The following SPEF2 variants were observed in gnomAD, a reference collection of about 807,000 sequenced individuals.
SPEF2 encodes sperm flagella and cilia-associated protein 2.
A neutral mutation model predicts 224.6 loss-of-function variants in SPEF2; 187 were observed. The ratio of observed to expected loss-of-function variants is 0.83; its 90% CI spans 0.74 to 0.94. The LOEUF is 0.94. SPEF2 is among the 40% of genes least tolerant of loss of function. The pLI is 0.00. For synonymous variants in SPEF2, 715 were observed against 707.3 expected, an observed-to-expected ratio of 1.01 and a Z score of -0.17; for missense variants, 2,170 against 2,135.6, an observed-to-expected ratio of 1.02 and a Z score of -0.32.
chr5:35,740,220 C>T lies in SPEF2; in HGVS notation c.3283C>T (p.Leu1095=). 5 of 1,614,056 alleles carry T rather than the reference C, an allele frequency of 3.1e-6. No individual in the cohort carries two copies. The highest frequency in any genetic ancestry group is 4.2e-6 in the Non-Finnish European group (5 of 1,180,008). The change falls in exon 23 of 37, where the codon CTG becomes TTG. Residue 1095 remains leucine (L), a synonymous_variant. Coordinates refer to ENST00000356031, the MANE Select transcript of SPEF2 (RefSeq NM_024867.4). Reference sequence around the variant, plus strand: ...TGATTTCAACTCCCTTCCTGATGACCTGTGGGATGATGAGGAAACAAAGGC... The same window carrying T: ...TGATTTCAACTCCCTTCCTGATGACTTGTGGGATGATGAGGAAACAAAGGC... ...QADFNSLPDD[L]WDDEETKAEL...
chr5:35,664,727 A>AGAGAGG (rs1750216329), intron 8 of SPEF2, among the ~76,000 whole-genome samples: 1 of 144,680 alleles, frequency 6.9e-6, no homozygotes. Context: ...AGGGAGGGAG[A>AGAGAGG]GAGAGGGAGA....
intron 36 of SPEF2, among the ~76,000 whole-genome samples, chr5:35,810,721 C>CAGT (rs1380224868): frequency 6.6e-6 from 1 of 152,238 alleles, no homozygotes; most frequent in Non-Finnish European, 1.5e-5. Context: ...CCTTGATGCA[C>CAGT]AGTACCCCTC....
intron 23 of SPEF2, among the ~76,000 whole-genome samples, chr5:35,748,014 A>C (rs1203282947): frequency 6.6e-6 from 1 of 152,216 alleles, no homozygotes; most frequent in African/African-American, 2.4e-5. Context: ...ATAAAACTGG[A>C]AATCAACTCC....
chr5:35,708,685 A>C, intron 18 of SPEF2, among the ~76,000 whole-genome samples: 1 of 151,934 alleles, frequency 6.6e-6, no homozygotes, highest in Non-Finnish European at 1.5e-5. Flanking sequence ...CACCACCTCT[A>C]CCTCCATCAC....
In SPEF2 at chr5:35,779,324, G is replaced by T; in HGVS notation, c.4425G>T (p.Gln1475His). 1 of 1,606,476 alleles carries T rather than the reference G, an allele frequency of 6.2e-7. No individual in the cohort carries two copies. The highest frequency in any genetic ancestry group is 1.1e-5 in the South Asian group (1 of 88,652). The part of the protein sequence containing the change: ...TIEQLDSLRD[Q>H]FLDMAPKGII... Reference sequence around the variant, plus strand: ...AACAGCTTGACAGTCTTCGAGATCAGTTCTTAGATATGGCACCTAAAGGTA... The same window carrying T: ...AACAGCTTGACAGTCTTCGAGATCATTTCTTAGATATGGCACCTAAAGGTA... The change falls in exon 30 of 37, where the codon CAG becomes CAT. Residue 1475 changes from glutamine to histidine, a missense_variant. Gln to His is a conservative substitution (Grantham distance 24, BLOSUM62 0). Transcript: ENST00000356031.
intron 26 of SPEF2, among the ~76,000 whole-genome samples, chr5:35,764,079 G>C (rs899612911): frequency 6.6e-6 from 1 of 152,108 alleles, no homozygotes; most frequent in Non-Finnish European, 1.5e-5. Context: ...ATGAGGTCTG[G>C]CATGGCCAGA....
At chr5:35,741,808 AC>A (rs1747693616) in intron 23 of SPEF2, among the ~76,000 whole-genome samples, 2 of 152,144 alleles carry the variant, frequency 1.3e-5, no homozygotes. Flanking sequence ...ATCTATATAA[AC>A]CCTACAACTT....
chr5:35,786,912 A>G (rs1478572007), intron 30 of SPEF2, among the ~76,000 whole-genome samples: 1 of 152,252 alleles, frequency 6.6e-6, no homozygotes, highest in East Asian at 1.9e-4. Context: ...TGACAAAAAA[A>G]GAGAATATAT....
intron 23 of SPEF2, among the ~76,000 whole-genome samples, chr5:35,742,162 T>C (rs1411967467): frequency 6.6e-6 from 1 of 152,204 alleles, no homozygotes; most frequent in African/African-American, 2.4e-5. Context: ...ATCATTTTTA[T>C]GACTAAAGGA....
intron 36 of SPEF2, among the ~76,000 whole-genome samples, chr5:35,811,396 T>C (rs991949225): frequency 1.3e-5 from 2 of 152,242 alleles, no homozygotes; most frequent in African/African-American, 4.8e-5. Flanking sequence ...GGTTCTTGTT[T>C]AGAAGTGACA....
intron 1 of SPEF2, 58 bp downstream of exon 1, chr5:35,618,113 A>C (rs888417174): frequency 5.3e-6 from 8 of 1,512,920 alleles, no homozygotes; most frequent in Non-Finnish European, 6.3e-6. Context: ...CAGAGCCTGC[A>C]GCGCAGCGCA....
chr5:35,658,327 C>A (rs1749237490), intron 7 of SPEF2, among the ~76,000 whole-genome samples: 1 of 152,124 alleles, frequency 6.6e-6, no homozygotes, highest in Non-Finnish European at 1.5e-5. Flanking sequence ...GTTTTTCTTT[C>A]AGATTATGAT....
At chr5:35,759,125 G>A (rs1010517720) in intron 24 of SPEF2, among the ~76,000 whole-genome samples, 2 of 136,156 alleles carry the variant, frequency 1.5e-5, no homozygotes, top group African/African-American at 5.5e-5. Context: ...GTTTTTTTTT[G>A]TATTTGTATT....
intron 10 of SPEF2, chr5:35,670,551 T>C: frequency 1.0e-6 from 1 of 1,002,966 alleles, no homozygotes; most frequent in Non-Finnish European, 1.2e-6. Context: ...CTGTGTACTT[T>C]TGCTTCAAAA....
chr5:35,690,979 A>G, intron 10 of SPEF2, 58 bp from the exon 11 acceptor site: 8 of 1,405,002 alleles, frequency 5.7e-6, no homozygotes, highest in South Asian at 5.2e-5. Context: ...TAAATATTTC[A>G]TATACCTAAA....
In SPEF2 at chr5:35,806,598, T is replaced by A. The variant is rs902304344; in HGVS notation, c.5011-109T>A. The A allele has an allele frequency of 2.2e-6, 3 of 1,371,996 alleles. No homozygotes were observed. The African/African-American group carries it at 4.4e-5, about 20-fold the overall frequency. 85.0% of individuals were successfully genotyped at this position (1,371,996 alleles called of 1,614,324 possible). The stretch of plus-strand genomic sequence containing the variant: ...ACTGGTTAGCTAGTTTGTGGTAGGC[T>A]CTGTCATTCATGAAAAGTGTGTGAT... On this transcript the variant is annotated intron_variant, in intron 34 of 36. Transcript: ENST00000356031.
At chr5:35,654,397 A>G (rs796781824) in intron 6 of SPEF2, 143 bp from the exon 7 acceptor site, 1 of 632,468 alleles carries the variant, frequency 1.6e-6, no homozygotes, top group African/African-American at 1.8e-5. Flanking sequence ...CACTGATTTC[A>G]AATATTTTCT....
intron 24 of SPEF2, among the ~76,000 whole-genome samples, chr5:35,755,418 T>C (rs1472283941): frequency 1.3e-5 from 2 of 152,272 alleles, no homozygotes; most frequent in Non-Finnish European, 1.5e-5. Flanking sequence ...TTCAGAGCAA[T>C]ACATACCTCC....
rs569409816 is a variant in SPEF2 at position 35,751,117 on chromosome 5, A to G, written c.3331-2507A>G. Among the ~76,000 whole-genome samples the G allele has an allele frequency of 2.5e-5, 3 of 120,310 alleles. 1 individual carries two copies. Among genetic ancestry groups the G allele is most frequent in the African/African-American group, 1.0e-4 (3 of 29,442 alleles). 78.9% of individuals were successfully genotyped at this position (120,310 alleles called of 152,430 possible). A position where few individuals can be genotyped will look rare whatever the true frequency, so the allele number is the denominator to read the frequency against. On this transcript the variant is annotated intron_variant, in intron 23 of 36. Transcript: ENST00000356031. The stretch of plus-strand genomic sequence containing the variant: ...CACACATATATATATATATATATAT[A>G]TGATGGAATGCTACTCAGCCATAAA...
Sources: allele counts gnomAD v4.1 joint callset (sites outside exome capture counted in the v4.1 genomes callset), GRCh38; gene constraint gnomAD v4.1.1; transcripts MANE v1.5; gene names NCBI Gene and HGNC (gene_info 2026-07-23, HGNC 2026-07-21).